USH1C: variants seen among roughly 807,000 people sequenced by gnomAD.
USH1C encodes the protein harmonin.
Under a neutral mutation model 119.3 loss-of-function variants are expected in USH1C, and 90 were observed. That is an observed-to-expected ratio of 0.75 (90% CI 0.64 to 0.90). USH1C has a LOEUF of 0.90. Among genes scored for constraint, USH1C ranks in the 40% least tolerant of loss-of-function variants. The pLI is 0.00. For synonymous variants in USH1C, 465 were observed against 443.3 expected (o/e 1.05, Z -0.62); for missense variants, 1,165 against 1,167.7 (o/e 1.00, Z 0.03).
At chr11:17,530,665 T>C (rs529784351) in intron 4 of USH1C, among the ~76,000 whole-genome samples, 1 of 152,292 alleles carries the variant, frequency 6.6e-6, no homozygotes, top group South Asian at 2.1e-4. Flanking sequence ...ATTTTATAGA[T>C]GAGGAAATTG....
At chr11:17,529,956 CA>C (rs1850884264) in intron 4 of USH1C, among the ~76,000 whole-genome samples, 2 of 152,214 alleles carry the variant, frequency 1.3e-5, no homozygotes, top group South Asian at 4.1e-4. Context: ...GAGAGGCGCT[CA>C]TTATGTGTTT....
chr11:17,496,996 T>C (rs1849273187), intron 24 of USH1C, 183 bp from the exon 25 acceptor site: 2 of 614,594 alleles, frequency 3.3e-6, no homozygotes, highest in African/African-American at 1.9e-5. Context: ...TCTCTGAGGC[T>C]TCGGGACCAT....
chr11:17,499,584 C>T lies in USH1C; in HGVS notation c.2381-1313G>A, dbSNP rs764769712. Among the ~76,000 whole-genome samples the T allele has an allele frequency of 7.9e-5, 12 of 152,222 alleles. 1 individual carries two copies. Among genetic ancestry groups the T allele is most frequent in the East Asian group, 1.9e-4 (1 of 5,196 alleles). On this transcript the variant is annotated intron_variant, in intron 23 of 26. Transcript: ENST00000005226. ...CAGCAGGCAGGTATCACAGAAGTGT[C>T]ACCAGGTGACAGAGAAATGAAGACA...
Position 17,526,331 on chromosome 11 carries a change from C to A in USH1C, c.674+16G>T. 6.2e-7 allele frequency: 1 copy of A among 1,610,444 alleles called. No homozygotes were observed. Among genetic ancestry groups the A allele is most frequent in the Non-Finnish European group, 8.5e-7 (1 of 1,177,270 alleles). ...GCACTGGCCACGAATGACCCCAGGG[C>A]ATGCCTGCCACCCACCTGCAGCCAA... On this transcript the variant is annotated intron_variant, in intron 8 of 26. Coordinates refer to ENST00000005226, the MANE Select transcript of USH1C (RefSeq NM_153676.4).
intron 14 of USH1C, among the ~76,000 whole-genome samples, chr11:17,518,160 A>G (rs941910428): frequency 6.6e-6 from 1 of 152,230 alleles, no homozygotes; most frequent in East Asian, 1.9e-4. Flanking sequence ...GAACTTGCCC[A>G]TTGGCCTATG....
chr11:17,494,433 C>T, intron 26 of USH1C, 57 bp from the exon 27 acceptor site: 1 of 1,552,158 alleles, frequency 6.4e-7, no homozygotes, highest in Non-Finnish European at 8.7e-7. Context: ...GCACACTCAG[C>T]CCAGCCAGAG....
intron 25 of USH1C, 89 bp from the exon 26 acceptor site, chr11:17,495,766 C>T: frequency 7.1e-7 from 1 of 1,412,748 alleles, no homozygotes; most frequent in Non-Finnish European, 1.0e-6. Context: ...CACTGGGCTC[C>T]TGCCTCGGGT....
rs751559923 is a variant in USH1C, at chr11:17,531,312, G to C, written c.249-20C>G. On this transcript the variant is annotated intron_variant, in intron 3 of 26. Coordinates refer to ENST00000005226, the MANE Select transcript of USH1C (RefSeq NM_153676.4). This position sits in a 1 kb window ranked among gnomAD's most constrained non-coding sequence, Gnocchi z 4.2. ...AGCTTCCTGCCACACAGGAGAGGTC[G>C]GTGATGGTGCAGCTTGGCTGCCAGC... 1 of 1,614,012 alleles carries C rather than the reference G, an allele frequency of 6.2e-7. No homozygotes were observed. Among genetic ancestry groups the C allele is most frequent in the Non-Finnish European group, 8.5e-7 (1 of 1,180,048 alleles).
chr11:17,518,622 C>T (rs1309567219), intron 14 of USH1C, among the ~76,000 whole-genome samples: 1 of 152,168 alleles, frequency 6.6e-6, no homozygotes, highest in Non-Finnish European at 1.5e-5. Flanking sequence ...ATTTTAAGGG[C>T]CCCCTGGGGC....
At chr11:17,504,773 C>T (rs993637154) in intron 19 of USH1C, 76 bp from the exon 20 acceptor site, 64 of 1,510,060 alleles carry the variant, frequency 4.2e-5, no homozygotes, top group African/African-American at 6.9e-5. Context: ...TGCCAGGCTT[C>T]GGGCCTGCCA....
intron 23 of USH1C, among the ~76,000 whole-genome samples, chr11:17,500,304 T>C (rs913674559): frequency 1.3e-5 from 2 of 152,172 alleles, no homozygotes; most frequent in Non-Finnish European, 2.9e-5. Flanking sequence ...ATGACCAAAC[T>C]GCCTGGATTC....
chr11:17,518,118 G>A (rs541152203), intron 14 of USH1C, among the ~76,000 whole-genome samples: 1 of 152,350 alleles, frequency 6.6e-6, no homozygotes, highest in East Asian at 1.9e-4. Flanking sequence ...GTTTGCTTGT[G>A]AGCTGCTTTT....
chr11:17,531,132 C>G lies in USH1C; in HGVS notation c.387+22G>C. 6.2e-7 allele frequency: 1 copy of G among 1,613,862 alleles called. No homozygotes were observed. The highest frequency in any genetic ancestry group is 8.5e-7 in the Non-Finnish European group (1 of 1,179,982). On this transcript the variant is annotated intron_variant, in intron 4 of 26. Transcript: ENST00000005226. This position sits in a 1 kb window ranked among gnomAD's most constrained non-coding sequence, Gnocchi z 4.2. ...GAGGTCCGAGGCCCTCGCTCCCCCT[C>G]CCCCGGACTCTGTTTGCTCACCTGG...
At position 17,537,470 on chromosome 11, in the gene USH1C, C is replaced by T. The variant is rs180950522; in HGVS notation, c.37-4148G>A. Among the ~76,000 whole-genome samples, 16 of 152,316 alleles carry T rather than the reference C, an allele frequency of 1.1e-4. No homozygotes were observed. The East Asian group carries it at 3.1e-3, about 29-fold the overall frequency. The stretch of plus-strand genomic sequence containing the variant: ...TGCCCAGTGGCGTCCGTTGATGAAA[C>T]GTGAACTCTATTTGCTCTAGTCTAG... On this transcript the variant is annotated intron_variant, in intron 1 of 26. Coordinates refer to ENST00000005226, the MANE Select transcript of USH1C (RefSeq NM_153676.4).
chr11:17,523,781 C>T (rs974575815), intron 9 of USH1C, among the ~76,000 whole-genome samples: 1 of 152,198 alleles, frequency 6.6e-6, no homozygotes, highest in African/African-American at 2.4e-5. Context: ...TTTGCAGATG[C>T]GGGAACCTTT....
At chr11:17,529,605 A>T (rs1248996390) in intron 4 of USH1C, among the ~76,000 whole-genome samples, 3 of 152,194 alleles carry the variant, frequency 2.0e-5, no homozygotes, top group Non-Finnish European at 4.4e-5. Context: ...TCCTAAAGGG[A>T]ATTTGCCCAG....
At chr11:17,536,447 G>C (rs1249600125) in intron 1 of USH1C, among the ~76,000 whole-genome samples, 2 of 152,132 alleles carry the variant, frequency 1.3e-5, no homozygotes, top group African/African-American at 4.8e-5. Flanking sequence ...TAGGGTCTAG[G>C]GTTCTGTTTT....
In USH1C at chr11:17,510,539, C is replaced by A; in HGVS notation, c.1414-18G>T. 13 of 1,594,898 alleles carry A rather than the reference C, an allele frequency of 8.2e-6. No homozygotes were observed. The highest frequency in any genetic ancestry group is 1.1e-5 in the Non-Finnish European group (13 of 1,162,706). ...TCAGACACCTGGGACCCAGGATCGG[C>A]GCAGAAAGGAGAGGACAAAGGGCAC... is the stretch of plus-strand genomic sequence containing the variant. On this transcript the variant is annotated intron_variant, in intron 16 of 26. Transcript: ENST00000005226.
At position 17,544,252 on chromosome 11, in the gene USH1C, G is replaced by A; in HGVS notation, c.36+20C>T. The A allele has an allele frequency of 6.2e-7, 1 of 1,613,958 alleles. No individual in the cohort carries two copies. Among genetic ancestry groups the A allele is most frequent in the East Asian group, 2.2e-5 (1 of 44,880 alleles). On this transcript the variant is annotated intron_variant, in intron 1 of 26. Transcript: ENST00000005226. ...AGGACTCCGGAGTCCCAGAAGCCTG[G>A]GGCGCCCTGCAGCTCTGACCTTATG...
Sources: allele counts gnomAD v4.1 joint callset (sites outside exome capture counted in the v4.1 genomes callset), GRCh38; gene constraint gnomAD v4.1.1; non-coding constraint Gnocchi (gnomAD v3.1); transcripts MANE v1.5; gene names NCBI Gene and HGNC (gene_info 2026-07-23, HGNC 2026-07-21).